PCDHGA3: variants seen among roughly 807,000 people sequenced by gnomAD.
PCDHGA3 encodes protocadherin gamma subfamily A, 3.
A neutral mutation model predicts 58.5 loss-of-function variants in PCDHGA3; 40 were observed. The ratio of observed to expected loss-of-function variants is 0.68; its 90% CI spans 0.53 to 0.89. PCDHGA3 has a LOEUF of 0.89. PCDHGA3 is among the 40% of genes least tolerant of loss of function. The pLI is 0.00. For missense variants in PCDHGA3, 1,223 were observed against 1,195.9 expected (o/e 1.02, Z -0.33); for synonymous variants, 530 against 525.7 (o/e 1.01, Z -0.11).
rs146569254 is a variant in PCDHGA3 at position 141,351,100 on chromosome 5, T to C, written c.2424+4643T>C. The C allele has an allele frequency of 6.9e-4, 1,108 of 1,614,070 alleles. 2 individuals carry two copies. In the Middle Eastern group the frequency reaches 0.017, roughly 25 times the overall value. ...CAGAGATCACCTATGCCTTCCTCAA[T>C]TCCCCAATAAGTACCAGCCTCTTCA... On this transcript the variant is annotated intron_variant, in intron 1 of 3. Transcript: ENST00000253812.
intron 1 of PCDHGA3, chr5:141,409,995 C>T: frequency 1.2e-6 from 2 of 1,613,308 alleles, no homozygotes; most frequent in Non-Finnish European, 1.7e-6. Context: ...GACGCCGACT[C>T]GGGACACAAC....
Position 141,409,737 on chromosome 5 carries a change from G to C in PCDHGA3, c.2424+63280G>C, listed in dbSNP as rs199531162. The C allele has an allele frequency of 1.4e-3, 2,254 of 1,613,108 alleles. 2 individuals carry two copies. Among genetic ancestry groups the C allele is most frequent in the Non-Finnish European group, 1.8e-3 (2,079 of 1,179,866 alleles). On this transcript the variant is annotated intron_variant, in intron 1 of 3. Coordinates refer to ENST00000253812, the MANE Select transcript of PCDHGA3 (RefSeq NM_018916.4). ...TACGTGTCAGTGAGCGCGCAGAGCGGGGTGGTGTTCGCGCAGCGCGCCTTT... is the reference window on the plus strand; with the variant it reads ...TACGTGTCAGTGAGCGCGCAGAGCGCGGTGGTGTTCGCGCAGCGCGCCTTT...
chr5:141,351,907 C>T (rs1169637398), intron 1 of PCDHGA3: 6 of 1,613,396 alleles, frequency 3.7e-6, no homozygotes, highest in Non-Finnish European at 4.2e-6. Flanking sequence ...TGTTGGTGGG[C>T]GACCTCAATG....
At position 141,476,456 on chromosome 5, in the gene PCDHGA3, A is replaced by C; in HGVS notation, c.2425-18351A>C. The C allele has an allele frequency of 6.2e-7, 1 of 1,614,058 alleles. No homozygotes were observed. Among genetic ancestry groups the C allele is most frequent in the Non-Finnish European group, 8.5e-7 (1 of 1,180,010 alleles). On this transcript the variant is annotated intron_variant, in intron 1 of 3. Transcript: ENST00000253812. The surrounding 1 kb of genome is among the most constrained non-coding windows in gnomAD (Gnocchi z 7.6). ...TGTAACTCTGGAGTTGGTAGTGGAGAACCCGCTGGAGCTGTTCAGCGTGGA... is the reference window on the plus strand; with the variant it reads ...TGTAACTCTGGAGTTGGTAGTGGAGCACCCGCTGGAGCTGTTCAGCGTGGA...
chr5:141,503,598 CAAAAA>C (rs765754054), intron 2 of PCDHGA3, among the ~76,000 whole-genome samples: 1 of 65,760 alleles, frequency 1.5e-5, no homozygotes, highest in African/African-American at 4.7e-5. Context: ...GACTCCAGCT[CAAAAA>C]AAAAAAAAAA....
chr5:141,376,190 G>A (rs759357506), intron 1 of PCDHGA3: 9 of 1,614,116 alleles, frequency 5.6e-6, no homozygotes, highest in Admixed American at 1.7e-5. Flanking sequence ...GGTCTCCTGC[G>A]TCTTCCTGGC....
intron 1 of PCDHGA3, chr5:141,430,760 A>C: frequency 1.3e-6 from 2 of 1,505,596 alleles, no homozygotes; most frequent in Non-Finnish European, 8.9e-7. Context: ...GAAGATAAGA[A>C]TGATTCCTGC....
In PCDHGA3 at chr5:141,493,211, G is replaced by C. The variant is rs1312763933; in HGVS notation, c.2425-1596G>C. Reference sequence around the variant, plus strand: ...CTCCTTTGAGAACCTCATCTCATTTGCTCTTCCCACCATTGCTGTTGGCTA... The same window carrying C: ...CTCCTTTGAGAACCTCATCTCATTTCCTCTTCCCACCATTGCTGTTGGCTA... On this transcript the variant is annotated intron_variant, in intron 1 of 3. Transcript: ENST00000253812. The surrounding 1 kb of genome is among the most constrained non-coding windows in gnomAD (Gnocchi z 4.3). 6.6e-6 allele frequency among the ~76,000 whole-genome samples: 1 copy of C among 152,180 alleles called. No individual in the cohort carries two copies. The highest frequency in any genetic ancestry group is 2.4e-5 in the African/African-American group (1 of 41,436).
chr5:141,423,117 G>T, intron 1 of PCDHGA3: 1 of 1,613,816 alleles, frequency 6.2e-7, no homozygotes, highest in Non-Finnish European at 8.5e-7. Flanking sequence ...TGCGTACAGC[G>T]CGGGCACTGC....
chr5:141,364,788 T>C lies in PCDHGA3; in HGVS notation c.2424+18331T>C. 5 of 1,614,034 alleles carry C rather than the reference T, an allele frequency of 3.1e-6. No homozygotes were observed. Among genetic ancestry groups the C allele is most frequent in the South Asian group, 2.2e-5 (2 of 91,086 alleles). On this transcript the variant is annotated intron_variant, in intron 1 of 3. Transcript: ENST00000253812. Reference sequence around the variant, plus strand: ...AATGCGGCTGCAGGGACACGGTTAGTGCTTCCCTTCGCGCGGGATGCGGAT... The same window carrying C: ...AATGCGGCTGCAGGGACACGGTTAGCGCTTCCCTTCGCGCGGGATGCGGAT...
At chr5:141,455,634 G>T (rs1429708887) in intron 1 of PCDHGA3, among the ~76,000 whole-genome samples, 1 of 152,110 alleles carries the variant, frequency 6.6e-6, no homozygotes, top group African/African-American at 2.4e-5. Context: ...GAGATATGTG[G>T]GGGGCAGCCA....
rs761017569 is a variant in PCDHGA3, at chr5:141,346,254, G to T, written c.2221G>T (p.Val741Leu). ...GGCGAGTACGCCCGGCTCGCACTTT[G>T]TGGGCGCGGACGGGGTTCGGGCTTT... ...GLASTPGSHF[V>L]GADGVRAFLQ... The change falls in exon 1 of 4, where the codon GTG (valine) becomes TTG (leucine). Residue 741 changes from valine to leucine, a missense_variant. Transcript: ENST00000253812. 5.0e-6 allele frequency: 8 copies of T among 1,614,216 alleles called. No individual in the cohort carries two copies. In the Admixed American group the frequency reaches 5.0e-5, roughly 10 times the overall value.
chr5:141,455,140 A>G (rs1465733732), intron 1 of PCDHGA3, among the ~76,000 whole-genome samples: 1 of 150,512 alleles, frequency 6.6e-6, no homozygotes, highest in Non-Finnish European at 1.5e-5. Context: ...ACACTGTGTT[A>G]AATAAATATT....
At chr5:141,376,179 C>T (rs777443061) in intron 1 of PCDHGA3, 9 of 1,614,014 alleles carry the variant, frequency 5.6e-6, no homozygotes, top group East Asian at 4.5e-5. Context: ...GCGGTGGCCG[C>T]GGTCTCCTGC....
At chr5:141,374,231 A>T (rs1335997807) in intron 1 of PCDHGA3, 1 of 1,613,834 alleles carries the variant, frequency 6.2e-7, no homozygotes, top group East Asian at 2.2e-5. Flanking sequence ...CAACATCGTC[A>T]AGGATCTGGG....
intron 1 of PCDHGA3, chr5:141,397,972 G>T: frequency 2.6e-6 from 3 of 1,155,564 alleles, no homozygotes; most frequent in Non-Finnish European, 3.6e-6. Flanking sequence ...ACTCCCCAGC[G>T]CCGGCCTTTA....
chr5:141,371,540 C>G, intron 1 of PCDHGA3: 1 of 1,613,730 alleles, frequency 6.2e-7, no homozygotes, highest in East Asian at 2.2e-5. Flanking sequence ...ATGGAGAAAT[C>G]CTATGCCAAC....
intron 2 of PCDHGA3, among the ~76,000 whole-genome samples, chr5:141,496,582 G>A (rs991035985): frequency 1.9e-4 from 29 of 152,100 alleles, no homozygotes; most frequent in Non-Finnish European, 3.5e-4. Flanking sequence ...TTTTAGGAAC[G>A]CAAAGCGCTT....
chr5:141,389,049 C>T, intron 1 of PCDHGA3: 7 of 1,613,880 alleles, frequency 4.3e-6, no homozygotes, highest in Non-Finnish European at 5.9e-6. Flanking sequence ...AGGTGATGTT[C>T]CATTTAAAAT....
Sources: allele counts gnomAD v4.1 joint callset (sites outside exome capture counted in the v4.1 genomes callset), GRCh38; gene constraint gnomAD v4.1.1; non-coding constraint Gnocchi (gnomAD v3.1); transcripts MANE v1.5; gene names NCBI Gene and HGNC (gene_info 2026-07-23, HGNC 2026-07-21).